Variants in TRPC3 observed in about 807,000 individuals in gnomAD.
The protein encoded by TRPC3 is transient receptor potential cation channel subfamily C member 3.
A neutral mutation model predicts 90.9 loss-of-function variants in TRPC3; 54 were observed. The ratio of observed to expected loss-of-function variants is 0.59; its 90% CI spans 0.48 to 0.75. The LOEUF (loss-of-function observed/expected upper bound fraction) is 0.75, where lower values mean the gene tolerates loss of function less well. TRPC3 is among the 30% of genes least tolerant of loss of function. The probability of loss-of-function intolerance (pLI) is 0.00; values close to 1 mark genes in which losing one functional copy is unlikely to be tolerated. For missense variants in TRPC3, 918 were observed against 1,194.5 expected (o/e 0.77, Z 3.41); for synonymous variants, 424 against 450.9 (o/e 0.94, Z 0.75).
chr4:121,915,064 A>G, intron 3 of TRPC3, 120 bp from the exon 4 acceptor site: 2 of 855,050 alleles, frequency 2.3e-6, no homozygotes, highest in South Asian at 7.0e-5. Context: ...TTTTTCTAGC[A>G]TATTGGTACT....
chr4:121,919,678 A>G (rs918766068), intron 3 of TRPC3, among the ~76,000 whole-genome samples: 5 of 152,180 alleles, frequency 3.3e-5, no homozygotes, highest in Non-Finnish European at 7.3e-5. Flanking sequence ...CAGAAAGTGG[A>G]TACACAATGG....
intron 6 of TRPC3, among the ~76,000 whole-genome samples, chr4:121,908,658 A>T (rs990845406): frequency 6.6e-6 from 1 of 152,174 alleles, no homozygotes; most frequent in African/African-American, 2.4e-5. Flanking sequence ...GTTTTCACTT[A>T]TAAGTGGAAG....
intron 1 of TRPC3, among the ~76,000 whole-genome samples, chr4:121,944,038 G>A (rs957785483): frequency 6.6e-6 from 1 of 151,920 alleles, no homozygotes; most frequent in Non-Finnish European, 1.5e-5. Context: ...TGAGCCCCTC[G>A]TGCATAAGCG....
At chr4:121,906,253 C>T (rs1046118660) in intron 7 of TRPC3, among the ~76,000 whole-genome samples, 1 of 152,084 alleles carries the variant, frequency 6.6e-6, no homozygotes, top group African/African-American at 2.4e-5. Flanking sequence ...CATTCAAATC[C>T]ACGTCTGCAT....
At chr4:121,949,520 A>C (rs141112656) in intron 1 of TRPC3, among the ~76,000 whole-genome samples, 293 of 152,210 alleles carry the variant, frequency 1.9e-3, no homozygotes, top group African/African-American at 6.8e-3. Flanking sequence ...AACAACAATA[A>C]ATAAACACTG....
intron 3 of TRPC3, among the ~76,000 whole-genome samples, chr4:121,921,239 C>G (rs983347596): frequency 1.3e-5 from 2 of 152,086 alleles, no homozygotes; most frequent in African/African-American, 2.4e-5. Flanking sequence ...AAAAGACTTC[C>G]TGGCCGGGCG....
chr4:121,892,729 TAGAAA>T (rs149503310), intron 10 of TRPC3, among the ~76,000 whole-genome samples: 113 of 152,162 alleles, frequency 7.4e-4, no homozygotes, highest in African/African-American at 2.6e-3. Context: ...AGTATATCCT[TAGAAA>T]AGAAAACACA....
Position 121,911,982 on chromosome 4 carries a change from T to A in TRPC3, c.1453A>T (p.Thr485Ser). ...FNASDRFEGI[T>S]TLPNITVTDY... The stretch of plus-strand genomic sequence containing the variant: ...GTAACTGTGATATTGGGCAGCGTGG[T>A]GATGCCTTCGAACCTGTCTGAGGCA... Residue 485 changes from threonine (T) to serine (S), a missense_variant, in exon 5 of 12, where the codon ACC becomes TCC. By Grantham distance (58) the Thr-to-Ser change is moderately conservative. Coordinates refer to ENST00000379645, the MANE Select transcript of TRPC3 (RefSeq NM_001130698.2). The A allele has an allele frequency of 1.2e-6, 2 of 1,613,932 alleles. No homozygotes were observed. The highest frequency in any genetic ancestry group is 1.7e-6 in the Non-Finnish European group (2 of 1,179,876).
Position 121,936,861 on chromosome 4 carries a change from C to T in TRPC3, c.216-3819G>A, listed in dbSNP as rs1730147066. Reference sequence around the variant, plus strand: ...TTCTGTGTGTGTCTTTTTTTTAAGCCACCCATTCTATGATATTTTGTCATG... The same window carrying T: ...TTCTGTGTGTGTCTTTTTTTTAAGCTACCCATTCTATGATATTTTGTCATG... On this transcript the variant is annotated intron_variant, in intron 1 of 11. Coordinates refer to ENST00000379645, the MANE Select transcript of TRPC3 (RefSeq NM_001130698.2). Among the ~76,000 whole-genome samples, 3 of 152,104 alleles carry T rather than the reference C, an allele frequency of 2.0e-5. No homozygotes were observed. In the South Asian group the frequency reaches 6.2e-4, roughly 32 times the overall value.
chr4:121,883,654 T>C (rs1464272870), intron 10 of TRPC3, among the ~76,000 whole-genome samples: 4 of 152,170 alleles, frequency 2.6e-5, no homozygotes, highest in East Asian at 1.9e-4. Flanking sequence ...TATGGATCAA[T>C]GGGGACTTTT....
intron 3 of TRPC3, among the ~76,000 whole-genome samples, chr4:121,916,401 C>T (rs993359315): frequency 6.6e-6 from 1 of 152,196 alleles, no homozygotes; most frequent in Non-Finnish European, 1.5e-5. Context: ...TAACGACCCA[C>T]AGACAGAGGT....
intron 5 of TRPC3, among the ~76,000 whole-genome samples, chr4:121,911,132 C>G (rs1473592378): frequency 6.6e-6 from 1 of 152,166 alleles, no homozygotes; most frequent in Non-Finnish European, 1.5e-5. Context: ...AAAATAATTA[C>G]TTGACCTAGG....
chr4:121,951,494 G>T lies in TRPC3; in HGVS notation c.187C>A (p.Pro63Thr). 2 of 1,345,334 alleles carry T rather than the reference G, an allele frequency of 1.5e-6. No homozygotes were observed. The highest frequency in any genetic ancestry group is 9.5e-7 in the Non-Finnish European group (1 of 1,050,222). The allele number at this position is 1,345,334 out of a possible 1,614,324, so 83.3% of individuals were successfully genotyped here. A position where few individuals can be genotyped will look rare whatever the true frequency, so the allele number is the denominator to read the frequency against. Residue 63 changes from proline to threonine, a missense_variant, in exon 1 of 12, where the codon CCG becomes ACG. By Grantham distance (38) the Pro-to-Thr change is conservative. Coordinates refer to ENST00000379645, the MANE Select transcript of TRPC3 (RefSeq NM_001130698.2). This position sits in a 1 kb window ranked among gnomAD's most constrained non-coding sequence, Gnocchi z 4.4. Reference sequence around the variant, plus strand: ...TCCGGCCCGTGGGAGAAGGGCGGCGGGCAGTAGCCGTGCGGCTCCCGCTGC... The same window carrying T: ...TCCGGCCCGTGGGAGAAGGGCGGCGTGCAGTAGCCGTGCGGCTCCCGCTGC... ...PSQREPHGYC[P>T]PPFSHGPDLS...
At chr4:121,926,764 T>C (rs1729731557) in intron 2 of TRPC3, among the ~76,000 whole-genome samples, 1 of 152,194 alleles carries the variant, frequency 6.6e-6, no homozygotes, top group Admixed American at 6.5e-5. Flanking sequence ...GAAAAATAAC[T>C]TGTCCAGTTC....
rs200936014 is a variant in TRPC3 at position 121,879,383 on chromosome 4, G to A, written c.*353C>T. On this transcript the variant is annotated 3_prime_UTR_variant, in exon 12 of 12. Coordinates refer to ENST00000379645, the MANE Select transcript of TRPC3 (RefSeq NM_001130698.2). ...ACCAGGCACTGTACTAGATGCTGGA[G>A]ACACAAAGATGAATAAGACATGGTC... 2.4e-4 allele frequency: 56 copies of A among 229,992 alleles called. No homozygotes were observed. The highest frequency in any genetic ancestry group is 2.2e-3 in the Admixed American group (35 of 15,988). The allele number at this position is 229,992 out of a possible 1,614,324, so 14.2% of individuals were successfully genotyped here.
intron 3 of TRPC3, among the ~76,000 whole-genome samples, chr4:121,917,427 T>A (rs1032439848): frequency 2.6e-5 from 4 of 152,192 alleles, no homozygotes; most frequent in African/African-American, 9.7e-5. Context: ...ATGTCCTTCA[T>A]TCATTCATTC....
rs1231825832 is a variant in TRPC3 at position 121,932,543 on chromosome 4, GGAT to G, written c.712_714del (p.Ile238del). 1 of 1,614,102 alleles carries G rather than the reference GGAT, an allele frequency of 6.2e-7. No homozygotes were observed. Among genetic ancestry groups the G allele is most frequent in the African/African-American group, 1.3e-5 (1 of 74,938 alleles). On this transcript the variant is annotated inframe_deletion, in exon 2 of 12. Coordinates refer to ENST00000379645, the MANE Select transcript of TRPC3 (RefSeq NM_001130698.2). This position sits in a 1 kb window ranked among gnomAD's most constrained non-coding sequence, Gnocchi z 7.7. ...TCGTATTTCTGGCAGTGCGCCGCCA[GGAT>G]GATGGGGGTGATGTCCGGCGAGAAG...
intron 3 of TRPC3, among the ~76,000 whole-genome samples, chr4:121,922,655 C>A (rs1321622028): frequency 3.0e-5 from 4 of 133,988 alleles, no homozygotes; most frequent in Non-Finnish European, 6.7e-5. Context: ...TATAACACTT[C>A]CAAAGCAATG....
At chr4:121,897,231 G>GA (rs1728546648) in intron 10 of TRPC3, among the ~76,000 whole-genome samples, 1 of 151,660 alleles carries the variant, frequency 6.6e-6, no homozygotes, top group African/African-American at 2.4e-5. Flanking sequence ...ACTGGTCTGG[G>GA]AAAATATTTT....
Sources: allele counts gnomAD v4.1 joint callset (sites outside exome capture counted in the v4.1 genomes callset), GRCh38; gene constraint gnomAD v4.1.1; non-coding constraint Gnocchi (gnomAD v3.1); transcripts MANE v1.5; gene names NCBI Gene and HGNC (gene_info 2026-07-23, HGNC 2026-07-21).